The following XKR6 variants were observed in gnomAD, a reference collection of about 807,000 sequenced individuals.
XKR6 encodes XK related 6.
In XKR6, 22 loss-of-function variants were observed where a neutral mutation model predicts 56.7. That is an observed-to-expected ratio of 0.39 (90% CI 0.28 to 0.55). The LOEUF is 0.55. XKR6 is among the 20% of genes least tolerant of loss of function. The probability of loss-of-function intolerance (pLI) is 0.66; values close to 1 mark genes in which losing one functional copy is unlikely to be tolerated. For synonymous variants in XKR6, 524 were observed against 387.8 expected (o/e 1.35, Z -4.13); for missense variants, 852 against 889.0 (o/e 0.96, Z 0.53).
chr8:11,000,115 C>A (rs1476226508), intron 1 of XKR6, among the ~76,000 whole-genome samples: 1 of 152,104 alleles, frequency 6.6e-6, no homozygotes, highest in Admixed American at 6.5e-5. Flanking sequence ...GGGATGAATT[C>A]TCTCAGAGGC....
In XKR6 at chr8:11,014,249, G is replaced by A. The variant is rs527928113; in HGVS notation, c.765-89419C>T. Among the ~76,000 whole-genome samples, 4 of 152,334 alleles carry A rather than the reference G, an allele frequency of 2.6e-5. No homozygotes were observed. In the East Asian group the frequency reaches 7.7e-4, roughly 29 times the overall value. On this transcript the variant is annotated intron_variant, in intron 1 of 2. Coordinates refer to ENST00000416569, the MANE Select transcript of XKR6 (RefSeq NM_173683.4). ...TGTAATCTCAATCTTTATTAAGTGTGAGGAAGAAAAGACTCCAAAGGAGTG... is the reference window on the plus strand; with the variant it reads ...TGTAATCTCAATCTTTATTAAGTGTAAGGAAGAAAAGACTCCAAAGGAGTG...
At chr8:11,018,531 A>G (rs1222663543) in intron 1 of XKR6, among the ~76,000 whole-genome samples, 1 of 152,228 alleles carries the variant, frequency 6.6e-6, no homozygotes, top group Admixed American at 6.5e-5. Context: ...AAGGACATGA[A>G]GGCAAGAGCT....
chr8:11,142,644 C>A (rs994016045), intron 1 of XKR6, among the ~76,000 whole-genome samples: 1 of 152,168 alleles, frequency 6.6e-6, no homozygotes, highest in African/African-American at 2.4e-5. Context: ...GCCTTCTCCC[C>A]CTTCGCCTTC....
chr8:11,080,907 C>T (rs769598291), intron 1 of XKR6, among the ~76,000 whole-genome samples: 2 of 152,138 alleles, frequency 1.3e-5, no homozygotes, highest in Non-Finnish European at 2.9e-5. Context: ...ACTGTACACA[C>T]GTGAAAACTG....
chr8:11,114,265 T>G (rs927059062), intron 1 of XKR6, among the ~76,000 whole-genome samples: 4 of 152,248 alleles, frequency 2.6e-5, no homozygotes, highest in Non-Finnish European at 5.9e-5. Flanking sequence ...CGTCTTATCC[T>G]GTTAGCCGCT....
intron 1 of XKR6, among the ~76,000 whole-genome samples, chr8:11,172,488 T>C (rs572745666): frequency 2.0e-5 from 3 of 152,258 alleles, no homozygotes; most frequent in Non-Finnish European, 4.4e-5. Context: ...GGGTGTTTTG[T>C]TCCAAATTTT....
chr8:11,200,609 A>G lies in XKR6; in HGVS notation c.731T>C (p.Val244Ala). The G allele has an allele frequency of 6.5e-7, 1 of 1,542,254 alleles. No homozygotes were observed. Among genetic ancestry groups the G allele is most frequent in the South Asian group, 1.2e-5 (1 of 80,536 alleles). The change falls in exon 1 of 3, where the codon GTC (valine) becomes GCC (alanine). Residue 244 changes from valine (V) to alanine (A), a missense_variant. This residue lies in a region of XKR6 where 199 missense variants were observed against 280.4 expected (regional missense o/e 0.71). Transcript: ENST00000416569. This position sits in a 1 kb window ranked among gnomAD's most constrained non-coding sequence, Gnocchi z 6.4. ...CRLSVWIWQS[V>A]IHLLQMGQVW... is the part of the protein sequence containing the mutation. ...CTGCCCCATCTGCAGCAGGTGGATG[A>G]CCGACTGCCAGATCCACACGGAGAG...
intron 1 of XKR6, among the ~76,000 whole-genome samples, chr8:11,012,751 C>T (rs563565650): frequency 6.6e-6 from 1 of 152,112 alleles, no homozygotes; most frequent in African/African-American, 2.4e-5. Context: ...CGATGTAACA[C>T]ATCCAGAAGT....
At chr8:11,154,015 A>C (rs1159908494) in intron 1 of XKR6, among the ~76,000 whole-genome samples, 1 of 152,212 alleles carries the variant, frequency 6.6e-6, no homozygotes, top group Non-Finnish European at 1.5e-5. Context: ...ATCCTTTTAA[A>C]AGCCTAGGTG....
chr8:11,159,518 T>G (rs1801690724), intron 1 of XKR6, among the ~76,000 whole-genome samples: 1 of 152,200 alleles, frequency 6.6e-6, no homozygotes, highest in African/African-American at 2.4e-5. Context: ...GCCATGTGCT[T>G]TCAGGCAGGC....
At chr8:11,118,006 T>C (rs1303103473) in intron 1 of XKR6, among the ~76,000 whole-genome samples, 1 of 152,250 alleles carries the variant, frequency 6.6e-6, no homozygotes, top group African/African-American at 2.4e-5. Context: ...AGGAGAGGTA[T>C]ACACCAGCAC....
chr8:11,063,533 A>T (rs1364886578), intron 1 of XKR6, among the ~76,000 whole-genome samples: 1 of 149,342 alleles, frequency 6.7e-6, no homozygotes, highest in African/African-American at 2.5e-5. Context: ...AAAAAAAAAA[A>T]GTCCTATTAC....
chr8:10,975,580 C>T (rs10111123), intron 1 of XKR6, among the ~76,000 whole-genome samples: 7,544 of 152,260 alleles, frequency 0.05, 623 homozygotes, highest in African/African-American at 0.17. Context: ...CACTGCACAA[C>T]GCGTGTGGTC....
At chr8:11,011,442 G>A (rs1215724531) in intron 1 of XKR6, among the ~76,000 whole-genome samples, 1 of 152,132 alleles carries the variant, frequency 6.6e-6, no homozygotes, top group African/African-American at 2.4e-5. Context: ...GGCTGAGGAG[G>A]GTCCTGAACA....
chr8:11,077,949 G>A (rs1258466655), intron 1 of XKR6, among the ~76,000 whole-genome samples: 1 of 152,108 alleles, frequency 6.6e-6, no homozygotes, highest in African/African-American at 2.4e-5. Flanking sequence ...CGCCGGGCTG[G>A]CCCTGCTGGG....
At chr8:10,953,437 C>A (rs1031585992) in intron 1 of XKR6, among the ~76,000 whole-genome samples, 3 of 152,144 alleles carry the variant, frequency 2.0e-5, no homozygotes, top group East Asian at 1.9e-4. Flanking sequence ...TCCCTAGAAG[C>A]AAATGCCCAT....
intron 1 of XKR6, among the ~76,000 whole-genome samples, chr8:11,167,296 C>T (rs1293649218): frequency 6.6e-6 from 1 of 152,204 alleles, no homozygotes; most frequent in East Asian, 1.9e-4. Flanking sequence ...TTTGCCTTTG[C>T]CCTATCTCCT....
intron 2 of XKR6, among the ~76,000 whole-genome samples, chr8:10,899,532 C>T (rs1168503770): frequency 6.6e-6 from 1 of 152,234 alleles, no homozygotes; most frequent in Admixed American, 6.5e-5. Context: ...ACTGGGATAT[C>T]CCGCCCATTT....
chr8:11,081,781 G>A (rs376782171), intron 1 of XKR6, among the ~76,000 whole-genome samples: 6 of 152,226 alleles, frequency 3.9e-5, no homozygotes, highest in Non-Finnish European at 4.4e-5. Context: ...TCAGTCAGAG[G>A]CTTATTCTGC....
Sources: gnomAD v4.1 joint callset for allele counts (sites outside exome capture counted in the v4.1 genomes callset) on GRCh38, gnomAD v4.1.1 for gene constraint, gnomAD v4.1.1 regional missense constraint, Gnocchi (gnomAD v3.1) non-coding constraint, MANE v1.5 for transcripts, NCBI Gene and HGNC (gene_info 2026-07-23, HGNC 2026-07-21) for gene names.